AKAP10: variants seen among roughly 807,000 people sequenced by gnomAD.
The protein encoded by AKAP10 is A-kinase anchor protein 10, mitochondrial.
Under a neutral mutation model 80.8 loss-of-function variants are expected in AKAP10, and 24 were observed. The ratio of observed to expected loss-of-function variants is 0.30; its 90% CI spans 0.22 to 0.42. The LOEUF is 0.42. Ranked by LOEUF, AKAP10 falls within the 10% of genes least tolerant of loss-of-function variation. The pLI, the probability that AKAP10 is intolerant of heterozygous loss-of-function variation, is 1.00. For missense variants in AKAP10, 661 were observed against 794.9 expected (o/e 0.83, Z 2.03); for synonymous variants, 291 against 277.7 (o/e 1.05, Z -0.48).
In AKAP10 at chr17:19,951,310, T is replaced by C. The variant is rs2043210545; in HGVS notation, c.878-3805A>G. Among the ~76,000 whole-genome samples, 4 of 150,360 alleles carry C rather than the reference T, an allele frequency of 2.7e-5. No homozygotes were observed. In the South Asian group the frequency reaches 8.4e-4, roughly 31 times the overall value. On this transcript the variant is annotated intron_variant, in intron 4 of 14. Coordinates refer to ENST00000225737, the MANE Select transcript of AKAP10 (RefSeq NM_007202.4). ...GCCTCCGCCCGGCCACTGCCCCGTC[T>C]GGGAGGTGGGGGGCGCCTCTGCCCG...
chr17:19,932,882 A>C (rs1206881110), intron 9 of AKAP10, among the ~76,000 whole-genome samples: 1 of 152,082 alleles, frequency 6.6e-6, no homozygotes, highest in Non-Finnish European at 1.5e-5. Flanking sequence ...ATACTGAATG[A>C]GTTCTCATGT....
At chr17:19,942,139 T>C (rs2043057007) in intron 5 of AKAP10, among the ~76,000 whole-genome samples, 2 of 152,130 alleles carry the variant, frequency 1.3e-5, no homozygotes, top group Admixed American at 1.3e-4. Flanking sequence ...TTCCTATACA[T>C]AGAAACCCTC....
In AKAP10 at chr17:19,931,954, T is replaced by C; in HGVS notation, c.1492A>G (p.Ser498Gly). 1 of 1,613,128 alleles carries C rather than the reference T, an allele frequency of 6.2e-7. No individual in the cohort carries two copies. Among genetic ancestry groups the C allele is most frequent in the Non-Finnish European group, 8.5e-7 (1 of 1,179,730 alleles). Residue 498 changes from serine to glycine, a missense_variant, in exon 10 of 15, where the codon AGC becomes GGC. Ser to Gly is a moderately conservative substitution (Grantham distance 56, BLOSUM62 0). Coordinates refer to ENST00000225737, the MANE Select transcript of AKAP10 (RefSeq NM_007202.4). ...EKVFLPGFLS[S>G]NLYYKYLNDL... ...TTCAAATATTTATAATAAAGATTGC[T>C]GGACAAAAAGCCAGGCAAAAAGACC...
chr17:19,947,485 T>G lies in AKAP10; in HGVS notation c.898A>C (p.Asn300His). The change falls in exon 5 of 15, where the codon AAT (asparagine) becomes CAT (histidine). Residue 300 changes from asparagine (N) to histidine (H), a missense_variant. Physicochemically the swap from Asn to His is moderately conservative, Grantham distance 68. Transcript: ENST00000225737. Reference protein sequence around the residue: ...LMKSIEQDAVNTFTKYISPDA... With the variant: ...LMKSIEQDAVHTFTKYISPDA... ...GGAGATATATATTTGGTAAAAGTAT[T>G]CACTGCATCTTGTTCTATACCTGCA... The G allele has an allele frequency of 1.2e-6, 2 of 1,612,270 alleles. No homozygotes were observed. Among genetic ancestry groups the G allele is most frequent in the Non-Finnish European group, 1.7e-6 (2 of 1,178,498 alleles).
intron 2 of AKAP10, among the ~76,000 whole-genome samples, chr17:19,965,559 G>GC (rs2043406074): frequency 6.6e-6 from 1 of 152,066 alleles, no homozygotes; most frequent in African/African-American, 2.4e-5. Flanking sequence ...TTGTCTGAAG[G>GC]CCCCTTTGCC....
intron 11 of AKAP10, among the ~76,000 whole-genome samples, chr17:19,922,754 G>C (rs1330745703): frequency 6.6e-6 from 1 of 152,064 alleles, no homozygotes; most frequent in African/African-American, 2.4e-5. Context: ...CAAAAAATTA[G>C]CCGGGCGTGG....
chr17:19,974,498 T>A (rs142959452), intron 1 of AKAP10, among the ~76,000 whole-genome samples: 24 of 152,282 alleles, frequency 1.6e-4, no homozygotes, highest in Admixed American at 1.5e-3. Context: ...GCCAAAAGAC[T>A]GGACACCTCT....
At chr17:19,924,946 T>C (rs2042860705) in intron 10 of AKAP10, among the ~76,000 whole-genome samples, 1 of 152,076 alleles carries the variant, frequency 6.6e-6, no homozygotes, top group Non-Finnish European at 1.5e-5. Flanking sequence ...GGCCGATCAC[T>C]TGAGGCCAAG....
intron 4 of AKAP10, among the ~76,000 whole-genome samples, chr17:19,952,005 ATAT>A (rs1285088127): frequency 1.3e-5 from 2 of 151,074 alleles, no homozygotes; most frequent in Admixed American, 6.6e-5. Context: ...AAAGATATTA[ATAT>A]TATTATGAGT....
At chr17:19,930,649 A>T (rs2042922015) in intron 10 of AKAP10, among the ~76,000 whole-genome samples, 1 of 152,058 alleles carries the variant, frequency 6.6e-6, no homozygotes, top group Non-Finnish European at 1.5e-5. Flanking sequence ...AGGCTGAAGC[A>T]GGCGGCATTT....
rs1292988244 is a variant in AKAP10 at position 19,937,525 on chromosome 17, A to G, written c.1323-1095T>C. 6.6e-5 allele frequency among the ~76,000 whole-genome samples: 10 copies of G among 152,104 alleles called. 1 individual carries two copies. Among genetic ancestry groups the G allele is most frequent in the African/African-American group, 2.4e-4 (10 of 41,422 alleles). ...TCAAAAAATAAAAAAGAAGAAAAAA[A>G]AGAAAACTCTCCTTTTAAATCAGCA... On this transcript the variant is annotated intron_variant, in intron 8 of 14. Transcript: ENST00000225737.
chr17:19,945,779 G>T (rs1470394316), intron 5 of AKAP10, among the ~76,000 whole-genome samples: 1 of 152,078 alleles, frequency 6.6e-6, no homozygotes, highest in Non-Finnish European at 1.5e-5. Flanking sequence ...CCAACATCGG[G>T]ACAGATCTGC....
At chr17:19,929,500 A>G (rs2042909954) in intron 10 of AKAP10, 1 of 152,216 alleles carries the variant, frequency 6.6e-6, no homozygotes, top group Non-Finnish European at 1.5e-5. Flanking sequence ...GAGGGCTTCT[A>G]GAGGGGCTGA....
At position 19,968,401 on chromosome 17, in the gene AKAP10, G is replaced by A. The variant is rs772095918; in HGVS notation, c.136+13C>T. The stretch of plus-strand genomic sequence containing the variant: ...ACTTTTTAATGCAGTGGACTGCCAA[G>A]GGCAGAACTTACCTTTAATGGACTT... On this transcript the variant is annotated intron_variant, in intron 2 of 14. Coordinates refer to ENST00000225737, the MANE Select transcript of AKAP10 (RefSeq NM_007202.4). 2.8e-5 allele frequency: 45 copies of A among 1,611,102 alleles called. No homozygotes were observed. Among genetic ancestry groups the A allele is most frequent in the Non-Finnish European group, 3.4e-5 (40 of 1,177,716 alleles).
intron 11 of AKAP10, among the ~76,000 whole-genome samples, chr17:19,922,537 C>T (rs945683175): frequency 1.3e-5 from 2 of 152,100 alleles, no homozygotes; most frequent in South Asian, 2.1e-4. Flanking sequence ...TGAGCCACTG[C>T]GCCTGGTGAA....
At chr17:19,953,606 A>G (rs2043239536) in intron 4 of AKAP10, among the ~76,000 whole-genome samples, 1 of 152,208 alleles carries the variant, frequency 6.6e-6, no homozygotes, top group South Asian at 2.1e-4. Flanking sequence ...AAATTTGACA[A>G]TTCAATACAA....
At chr17:19,968,671 C>T (rs549321009) in intron 1 of AKAP10, among the ~76,000 whole-genome samples, 26 of 152,274 alleles carry the variant, frequency 1.7e-4, no homozygotes, top group Admixed American at 1.7e-3. Flanking sequence ...AAGAGTTGAA[C>T]CTGCTTATGG....
chr17:19,965,048 T>C (rs1369991398), intron 2 of AKAP10, among the ~76,000 whole-genome samples: 1 of 152,252 alleles, frequency 6.6e-6, no homozygotes, highest in Admixed American at 6.5e-5. Flanking sequence ...TGACTTGTCT[T>C]TGACCTGGGC....
At chr17:19,956,179 G>A (rs930921979) in intron 4 of AKAP10, among the ~76,000 whole-genome samples, 7 of 152,054 alleles carry the variant, frequency 4.6e-5, no homozygotes, top group African/African-American at 1.7e-4. Context: ...GGATCAGTAC[G>A]AGCACCCAAG....
Sources: gnomAD v4.1 joint callset for allele counts (sites outside exome capture counted in the v4.1 genomes callset) on GRCh38, gnomAD v4.1.1 for gene constraint, MANE v1.5 for transcripts, NCBI Gene and HGNC (gene_info 2026-07-23, HGNC 2026-07-21) for gene names.